Variants in GLB1L3 observed in about 807,000 individuals in gnomAD.
GLB1L3 encodes beta-galactosidase-1-like protein 3.
GLB1L3 carries 89 observed loss-of-function variants against 89.5 expected under a neutral mutation model. The ratio of observed to expected loss-of-function variants is 0.99; its 90% confidence interval spans 0.84 to 1.19. GLB1L3 has a LOEUF of 1.19. GLB1L3 is among the 50% of genes most tolerant of loss of function. The pLI is 0.00. For synonymous variants in GLB1L3, 314 were observed against 312.3 expected (o/e 1.01, Z -0.06); for missense variants, 812 against 813.3 (o/e 1.00, Z 0.02).
At chr11:134,277,163 TGCC>T (rs756217819) in intron 1 of GLB1L3, 160 bp from the exon 2 acceptor site, 5 of 821,524 alleles carry the variant, frequency 6.1e-6, no homozygotes, top group Non-Finnish European at 4.1e-6. Flanking sequence ...GGCCGGGTGA[TGCC>T]GCGCTGTCCT....
At chr11:134,277,025 C>G (rs1940405279) in intron 1 of GLB1L3, 1 of 571,896 alleles carries the variant, frequency 1.7e-6, no homozygotes, top group Non-Finnish European at 3.1e-6. Context: ...CCGTGTCCTT[C>G]CCGAACCTGG....
chr11:134,276,837 G>A (rs1342291950), intron 1 of GLB1L3, 74 bp downstream of exon 1: 4 of 1,256,360 alleles, frequency 3.2e-6, no homozygotes, highest in Non-Finnish European at 4.0e-6. Flanking sequence ...CCCTCCCCGG[G>A]TTCTGTGGCC....
chr11:134,277,417 T>C lies in GLB1L3; in HGVS notation c.115T>C (p.Phe39Leu), dbSNP rs1029190654. ...TCCTCGGTTTAAGCAGGAAGAGAAC[T>C]TCATGCTTGGAAGAGCGCATCCGTC... ...FAPRFKQEEN[F>L]MLGRAHPSQP... Residue 39 changes from phenylalanine to leucine, a missense_variant, in exon 2 of 20, where the codon TTC becomes CTC. Physicochemically the swap from Phe to Leu is conservative, Grantham distance 22. Coordinates refer to ENST00000431683, the MANE Select transcript of GLB1L3 (RefSeq NM_001080407.3). The C allele has an allele frequency of 2.5e-6, 4 of 1,613,892 alleles. No individual in the cohort carries two copies. Among genetic ancestry groups the C allele is most frequent in the South Asian group, 1.1e-5 (1 of 91,086 alleles).
chr11:134,277,018 T>A, intron 1 of GLB1L3: 1 of 566,050 alleles, frequency 1.8e-6, no homozygotes, highest in Non-Finnish European at 3.1e-6. Flanking sequence ...CTGGGCACCG[T>A]GTCCTTCCCG....
chr11:134,298,980 G>T (rs966544603), intron 9 of GLB1L3, among the ~76,000 whole-genome samples: 1 of 151,990 alleles, frequency 6.6e-6, no homozygotes, highest in Non-Finnish European at 1.5e-5. Context: ...CACAACTCTT[G>T]GATGCTGTTT....
chr11:134,292,475 C>CCAT (rs1027318775), intron 8 of GLB1L3: 2 of 326,776 alleles, frequency 6.1e-6, no homozygotes, highest in Non-Finnish European at 1.1e-5. Flanking sequence ...GGACGCCTTT[C>CCAT]CATCTCCCAT....
chr11:134,312,672 G>T, intron 14 of GLB1L3, 144 bp from the exon 15 acceptor site: 1 of 960,306 alleles, frequency 1.0e-6, no homozygotes, highest in Admixed American at 2.2e-5. Context: ...GAGTCTCTTG[G>T]GGCCTCCAGG....
At chr11:134,281,892 C>T (rs1940707510) in intron 4 of GLB1L3, 133 bp from the exon 5 acceptor site, 3 of 707,396 alleles carry the variant, frequency 4.2e-6, no homozygotes, top group Non-Finnish European at 7.0e-6. Flanking sequence ...GTGGGAGTCC[C>T]CACGCTTTGG....
At chr11:134,324,575 A>C in the GLB1L3 span, among the ~76,000 whole-genome samples, 21 of 152,128 alleles carry the variant, frequency 1.4e-4, no homozygotes, top group Non-Finnish European at 1.8e-4. Flanking sequence ...GCCGACCACT[A>C]TCGTTTTTTC....
At chr11:134,312,534 T>C in intron 14 of GLB1L3, 45 bp downstream of exon 14, 1 of 1,599,388 alleles carries the variant, frequency 6.3e-7, no homozygotes, top group Non-Finnish European at 8.5e-7. Flanking sequence ...GTGCATCACC[T>C]CCCCATGCTG....
In GLB1L3 at chr11:134,287,197, G is replaced by T. The variant is rs1941063543; in HGVS notation, c.637-1601G>T. The T allele has an allele frequency of 1.3e-5, 2 of 152,220 alleles. 1 individual carries two copies. The highest frequency in any genetic ancestry group is 4.8e-5 in the African/African-American group (2 of 41,450). 9.4% of individuals were successfully genotyped at this position (152,220 alleles called of 1,614,324 possible). A position where few individuals can be genotyped will look rare whatever the true frequency, so the allele number is the denominator to read the frequency against. Reference sequence around the variant, plus strand: ...AAAACCCAGAAAGACTGAATATTTGGATGGAAGTTTTACCAGAAGCACAAA... The same window carrying T: ...AAAACCCAGAAAGACTGAATATTTGTATGGAAGTTTTACCAGAAGCACAAA... On this transcript the variant is annotated intron_variant, in intron 6 of 19. Coordinates refer to ENST00000431683, the MANE Select transcript of GLB1L3 (RefSeq NM_001080407.3).
chr11:134,300,176 G>C (rs1158902832), intron 9 of GLB1L3, among the ~76,000 whole-genome samples: 1 of 152,044 alleles, frequency 6.6e-6, no homozygotes. Context: ...GGCAGGGTAG[G>C]TTTCTTCTGA....
intron 7 of GLB1L3, among the ~76,000 whole-genome samples, chr11:134,291,838 G>A (rs1371276549): frequency 1.3e-5 from 2 of 152,168 alleles, no homozygotes; most frequent in African/African-American, 4.8e-5. Flanking sequence ...AGCTGGACAT[G>A]GTGGCGTGTG....
rs770957387 is a variant in GLB1L3, at chr11:134,312,797, G to T, written c.1429-19G>T. 2.5e-6 allele frequency: 4 copies of T among 1,602,942 alleles called. No individual in the cohort carries two copies. The South Asian group carries it at 3.4e-5, about 13-fold the overall frequency. ...CTTCGGGTGGGCCTAGCAGTCTGAC[G>T]CCGGCTCTTCTTTTGCAGGTGTTTT... On this transcript the variant is annotated intron_variant, in intron 14 of 19. Coordinates refer to ENST00000431683, the MANE Select transcript of GLB1L3 (RefSeq NM_001080407.3).
At chr11:134,288,641 A>T (rs1941154023) in intron 6 of GLB1L3, among the ~76,000 whole-genome samples, 157 bp from the exon 7 acceptor site, 1 of 151,920 alleles carries the variant, frequency 6.6e-6, no homozygotes, top group Non-Finnish European at 1.5e-5. Context: ...GACCCAGCAG[A>T]CTCTAACTCC....
chr11:134,289,454 C>T (rs748089764), intron 7 of GLB1L3, among the ~76,000 whole-genome samples: 1 of 152,056 alleles, frequency 6.6e-6, no homozygotes, highest in Non-Finnish European at 1.5e-5. Context: ...TGGATCCGCA[C>T]GGTTCAAACC....
At chr11:134,315,779 A>C (rs1314821449) in intron 18 of GLB1L3, among the ~76,000 whole-genome samples, 1 of 151,934 alleles carries the variant, frequency 6.6e-6, no homozygotes, top group Non-Finnish European at 1.5e-5. Context: ...TTATTTTCTG[A>C]TTCTGTCATT....
At chr11:134,300,609 C>G (rs188046422) in intron 9 of GLB1L3, among the ~76,000 whole-genome samples, 2,297 of 152,270 alleles carry the variant, frequency 0.015, 48 homozygotes, top group African/African-American at 0.051. Flanking sequence ...GCTGGGATTA[C>G]AGGCGTGAGC....
At chr11:134,277,184 G>T in intron 1 of GLB1L3, 142 bp from the exon 2 acceptor site, 1 of 1,027,134 alleles carries the variant, frequency 9.7e-7, no homozygotes. Context: ...CCTGGCCCTG[G>T]GCCCGCCTGG....
Sources: allele counts gnomAD v4.1 joint callset (sites outside exome capture counted in the v4.1 genomes callset), GRCh38; gene constraint gnomAD v4.1.1; transcripts MANE v1.5; gene names NCBI Gene and HGNC (gene_info 2026-07-23, HGNC 2026-07-21).